Variants in PRELID2 observed in about 807,000 individuals in gnomAD.
The protein encoded by PRELID2 is PRELI domain-containing protein 2.
PRELID2 carries 25 observed loss-of-function variants against 28.4 expected under a neutral mutation model. The observed-to-expected ratio is 0.88, with a 90% CI of 0.64 to 1.23. PRELID2 has a LOEUF of 1.23. Ranked by LOEUF, PRELID2 falls within the 50% of genes most tolerant of loss-of-function variation. The pLI, the probability that PRELID2 is intolerant of heterozygous loss-of-function variation, is 0.00. For missense variants in PRELID2, 201 were observed against 214.4 expected (o/e 0.94, Z 0.39); for synonymous variants, 76 against 71.6 (o/e 1.06, Z -0.31).
intron 1 of PRELID2, among the ~76,000 whole-genome samples, chr5:145,490,691 G>C (rs6891408): frequency 0.57 from 85,890 of 151,982 alleles, 25,119 homozygotes; most frequent in East Asian, 0.98. Context: ...ATTCTCATCT[G>C]TTGTTTTGTT....
At chr5:145,266,371 A>G in the PRELID2 span, among the ~76,000 whole-genome samples, 2 of 150,038 alleles carry the variant, frequency 1.3e-5, no homozygotes, top group Non-Finnish European at 3.0e-5. Context: ...AAAAAAAAAA[A>G]GGGCTAAGGA....
At chr5:145,711,185 T>G (rs1581085355) in intron 1 of PRELID2, among the ~76,000 whole-genome samples, 1 of 152,280 alleles carries the variant, frequency 6.6e-6, no homozygotes, top group Middle Eastern at 3.4e-3. Flanking sequence ...TGTTTAGAAT[T>G]TGAATCAAGA....
intron 1 of PRELID2, among the ~76,000 whole-genome samples, chr5:145,506,827 G>A (rs917809608): frequency 3.9e-5 from 6 of 152,176 alleles, no homozygotes; most frequent in African/African-American, 1.2e-4. Flanking sequence ...TTCGTGGCTG[G>A]CTCTATCTTT....
At chr5:145,245,210 T>C in the PRELID2 span, among the ~76,000 whole-genome samples, 1 of 152,104 alleles carries the variant, frequency 6.6e-6, no homozygotes, top group African/African-American at 2.4e-5. Context: ...TTAGATTCAA[T>C]GCCAAGAAGC....
chr5:145,421,406 T>A, the PRELID2 span, among the ~76,000 whole-genome samples: 1 of 150,998 alleles, frequency 6.6e-6, no homozygotes, highest in African/African-American at 2.4e-5. Flanking sequence ...TGCCACAATT[T>A]CAGAGCCTGT....
rs200749595 is a variant in PRELID2 at position 145,784,883 on chromosome 5, CTGAG to C, written c.474+11555_474+11558del. 6.7e-4 allele frequency among the ~76,000 whole-genome samples: 101 copies of C among 150,838 alleles called. 1 individual carries two copies. The East Asian group carries it at 0.017, about 26-fold the overall frequency. ...CGTCAAAATGTTAAATGTGAATACA[CTGAG>C]TATTAGAATTATGAATGATTTTATC... On this transcript the variant is annotated intron_variant, in intron 5 of 6. Coordinates refer to ENST00000683046, the MANE Select transcript of PRELID2 (RefSeq NM_205846.3).
the PRELID2 span, among the ~76,000 whole-genome samples, chr5:145,405,698 AG>A: frequency 1.8e-5 from 2 of 111,374 alleles, no homozygotes; most frequent in South Asian, 7.0e-4. Context: ...GGTACCACAT[AG>A]TTGTTTTTTT....
chr5:145,504,572 C>T (rs946477642), intron 1 of PRELID2, among the ~76,000 whole-genome samples: 5 of 152,142 alleles, frequency 3.3e-5, no homozygotes, highest in East Asian at 1.9e-4. Context: ...GGGTCATGAA[C>T]ACTTGATTCA....
At chr5:145,653,584 G>T (rs1385305424) in intron 1 of PRELID2, among the ~76,000 whole-genome samples, 3 of 152,292 alleles carry the variant, frequency 2.0e-5, no homozygotes, top group African/African-American at 7.2e-5. Context: ...TAGAACTCAG[G>T]ATTAAGAAAC....
the PRELID2 span, chr5:145,440,711 T>C: frequency 1.3e-5 from 2 of 152,210 alleles, no homozygotes; most frequent in Non-Finnish European, 2.9e-5. Flanking sequence ...TTCTTAGAGA[T>C]GAGAGCTTCC....
At chr5:145,446,498 T>G in the PRELID2 span, among the ~76,000 whole-genome samples, 1 of 152,160 alleles carries the variant, frequency 6.6e-6, no homozygotes, top group Admixed American at 6.6e-5. Context: ...GTAGAAACCT[T>G]AAGAATAAAT....
intron 4 of PRELID2, among the ~76,000 whole-genome samples, chr5:145,816,092 T>G (rs1754287243): frequency 6.9e-6 from 1 of 145,384 alleles, no homozygotes; most frequent in Non-Finnish European, 1.5e-5. Context: ...TTTTTTTTTT[T>G]TTTTTTTTTT....
rs1221584398 is a variant in PRELID2, at chr5:145,741,482, TATAA to T, written n.70+23445_70+23448del. Among the ~76,000 whole-genome samples, 605 of 118,534 alleles carry T rather than the reference TATAA, an allele frequency of 5.1e-3. 18 individuals carry two copies. Among genetic ancestry groups the T allele is most frequent in the African/African-American group, 0.02 (561 of 27,728 alleles). 77.8% of individuals were successfully genotyped at this position (118,534 alleles called of 152,430 possible). ...TATTTATATATAAACAAAATTTATT[TATAA>T]ATAAATTATATATAAAATTTATTTA... On this transcript the variant is annotated intron_variant and non_coding_transcript_variant, in intron 1 of 2. Transcript: ENST00000510259.
chr5:145,627,566 C>T (rs151082598), intron 1 of PRELID2, among the ~76,000 whole-genome samples: 1 of 152,312 alleles, frequency 6.6e-6, no homozygotes, highest in Non-Finnish European at 1.5e-5. Context: ...GTCCATACCA[C>T]ACCACCGCCA....
chr5:145,400,056 C>T, the PRELID2 span, among the ~76,000 whole-genome samples: 1 of 152,052 alleles, frequency 6.6e-6, no homozygotes, highest in Admixed American at 6.6e-5. Context: ...TTCCTTTCCC[C>T]AATTTTATTT....
intron 1 of PRELID2, among the ~76,000 whole-genome samples, chr5:145,623,920 C>T (rs552686641): frequency 4.6e-5 from 7 of 152,174 alleles, no homozygotes; most frequent in Admixed American, 2.0e-4. Context: ...CCCCACAAGA[C>T]TGCCTTCATT....
At position 145,554,941 on chromosome 5, in the gene PRELID2, C is replaced by T. The variant is rs138386358; in HGVS notation, n.71-81626G>A. 3.0e-3 allele frequency among the ~76,000 whole-genome samples: 462 copies of T among 152,122 alleles called. 3 individuals are homozygous for T. The highest frequency in any genetic ancestry group is 0.01 in the African/African-American group (430 of 41,492). Reference sequence around the variant, plus strand: ...CAATTCAAGCAATATAGAAGTTGTCCGTATATATATTAATACCTTCTTTCA... The same window carrying T: ...CAATTCAAGCAATATAGAAGTTGTCTGTATATATATTAATACCTTCTTTCA... On this transcript the variant is annotated intron_variant and non_coding_transcript_variant, in intron 1 of 2. Coordinates refer to the PRELID2 transcript ENST00000510259.
chr5:145,572,385 C>T (rs1296232600), intron 1 of PRELID2, among the ~76,000 whole-genome samples: 1 of 152,150 alleles, frequency 6.6e-6, no homozygotes, highest in African/African-American at 2.4e-5. Context: ...CAGAATAAAT[C>T]CCTTAAAATA....
At chr5:145,291,651 C>G in the PRELID2 span, among the ~76,000 whole-genome samples, 112 of 152,056 alleles carry the variant, frequency 7.4e-4, no homozygotes, top group Middle Eastern at 3.4e-3. Flanking sequence ...TTATTTTTTT[C>G]TTTTCTTTAA....
Sources: gnomAD v4.1 joint callset for allele counts (sites outside exome capture counted in the v4.1 genomes callset) on GRCh38, gnomAD v4.1.1 for gene constraint, MANE v1.5 for transcripts, NCBI Gene and HGNC (gene_info 2026-07-23, HGNC 2026-07-21) for gene names.